The following ZHX1 variants were observed in gnomAD, a reference collection of about 807,000 sequenced individuals.
ZHX1 encodes the protein zinc fingers and homeoboxes protein 1.
A neutral mutation model predicts 61.8 loss-of-function variants in ZHX1; 20 were observed. The ratio of observed to expected loss-of-function variants is 0.32; its 90% CI spans 0.23 to 0.47. The LOEUF (loss-of-function observed/expected upper bound fraction) is 0.47, where lower values mean the gene tolerates loss of function less well. Among genes scored for constraint, ZHX1 ranks in the 20% least tolerant of loss-of-function variants. The pLI is 1.00. For synonymous variants in ZHX1, 318 were observed against 352.6 expected (o/e 0.90, Z 1.10); for missense variants, 800 against 1,034.8 (o/e 0.77, Z 3.11).
At chr8:123,272,162 A>T (rs1387387486) in intron 1 of ZHX1, among the ~76,000 whole-genome samples, 1 of 152,258 alleles carries the variant, frequency 6.6e-6, no homozygotes, top group African/African-American at 2.4e-5. Context: ...TCGAAAATAC[A>T]AGAATGGTTC....
chr8:123,254,694 G>A lies in ZHX1; in HGVS notation c.1253C>T (p.Ala418Val). ...TATATTATTTTGACTTGGAACGCCT[G>A]CCACTGTCAAGGCTATAGGTGCTGT... Reference protein sequence around the residue: ...PVTAPIALTVAGVPSQNNIQK... With the variant: ...PVTAPIALTVVGVPSQNNIQK... Residue 418 changes from alanine to valine, a missense_variant, in exon 3 of 4, where the codon GCA becomes GTA. By Grantham distance (64) the Ala-to-Val change is moderately conservative. Coordinates refer to ENST00000395571, the MANE Select transcript of ZHX1 (RefSeq NM_007222.5). This position sits in a 1 kb window ranked among gnomAD's most constrained non-coding sequence, Gnocchi z 4.1. 6.2e-7 allele frequency: 1 copy of A among 1,614,160 alleles called. No homozygotes were observed. The highest frequency in any genetic ancestry group is 8.5e-7 in the Non-Finnish European group (1 of 1,180,016).
At chr8:123,272,055 G>A (rs1188202723) in intron 1 of ZHX1, among the ~76,000 whole-genome samples, 1 of 152,190 alleles carries the variant, frequency 6.6e-6, no homozygotes, top group Admixed American at 6.5e-5. Context: ...CCAAAGAACA[G>A]CACACGTGCA....
At position 123,253,575 on chromosome 8, in the gene ZHX1, T is replaced by C. The variant is rs1338952309; in HGVS notation, c.2372A>G (p.Lys791Arg). 2.5e-6 allele frequency: 4 copies of C among 1,614,120 alleles called. No homozygotes were observed. Among genetic ancestry groups the C allele is most frequent in the African/African-American group, 1.3e-5 (1 of 74,952 alleles). The change falls in exon 3 of 4, where the codon AAG (lysine) becomes AGG (arginine). Residue 791 changes from lysine to arginine, a missense_variant. Transcript: ENST00000395571. The stretch of plus-strand genomic sequence containing the variant: ...GTCTTGCTCATTAAGAAACTTGTGC[T>C]TCAGGTAATAATCCTTAAGTATTGC... ...GTAILKDYYLKHKFLNEQDLD... is the reference protein window; with the variant it reads ...GTAILKDYYLRHKFLNEQDLD...
intron 2 of ZHX1, among the ~76,000 whole-genome samples, chr8:123,260,255 C>A (rs546926958): frequency 3.9e-5 from 6 of 152,284 alleles, no homozygotes; most frequent in Admixed American, 3.9e-4. Context: ...ACGAATCTTA[C>A]AATCCCCACT....
chr8:123,257,582 T>A (rs1826110115), intron 2 of ZHX1, among the ~76,000 whole-genome samples: 1 of 152,162 alleles, frequency 6.6e-6, no homozygotes, highest in Non-Finnish European at 1.5e-5. Context: ...TTTTTCCACA[T>A]ACCGCGGTGC....
intron 2 of ZHX1, among the ~76,000 whole-genome samples, chr8:123,258,010 G>A (rs1254098356): frequency 6.6e-6 from 1 of 152,156 alleles, no homozygotes; most frequent in Admixed American, 6.5e-5. Flanking sequence ...TCTAGATATT[G>A]TGTCTCATTT....
chr8:123,254,297 T>C lies in ZHX1; in HGVS notation c.1650A>G (p.Pro550=), dbSNP rs760745172. The C allele has an allele frequency of 1.9e-6, 3 of 1,614,132 alleles. No homozygotes were observed. Among genetic ancestry groups the C allele is most frequent in the Admixed American group, 3.3e-5 (2 of 60,026 alleles). Residue 550 remains proline (P), a synonymous_variant, in exon 3 of 4, where the codon CCA becomes CCG. Transcript: ENST00000395571. This position sits in a 1 kb window ranked among gnomAD's most constrained non-coding sequence, Gnocchi z 4.1. ...GCTTAGGCTGTGCAGTACCAACAGT[T>C]GGGGATTCCGTGGTTTCATCACTGG... The part of the protein sequence containing the change: ...IDSSDETTES[P]TVGTAQPKQS...
intron 1 of ZHX1, among the ~76,000 whole-genome samples, chr8:123,272,036 T>C (rs117893712): frequency 3.1e-3 from 471 of 152,324 alleles, no homozygotes; most frequent in South Asian, 0.014. Flanking sequence ...TACATGAACA[T>C]TGAGGAAACC....
intron 3 of ZHX1, 80 bp downstream of exon 3, chr8:123,253,242 T>C: frequency 1.7e-6 from 2 of 1,203,528 alleles, no homozygotes; most frequent in Non-Finnish European, 2.3e-6. Flanking sequence ...AAAATGAAGA[T>C]GACTGATACA....
chr8:123,275,122 T>C (rs539959540), upstream of ZHX1, among the ~76,000 whole-genome samples: 2 of 152,300 alleles, frequency 1.3e-5, no homozygotes, highest in African/African-American at 4.8e-5. Flanking sequence ...CCCTCCTCCC[T>C]GCGAACCGCC....
chr8:123,266,369 C>G (rs1826456906), intron 2 of ZHX1, among the ~76,000 whole-genome samples: 1 of 151,992 alleles, frequency 6.6e-6, no homozygotes, highest in Non-Finnish European at 1.5e-5. Flanking sequence ...TAACTGTTAC[C>G]CACTTCACTG....
Position 123,253,452 on chromosome 8 carries a change from A to G in ZHX1, c.2495T>C (p.Phe832Ser), listed in dbSNP as rs1825973853. The change falls in exon 3 of 4, where the codon TTT becomes TCT. Residue 832 changes from phenylalanine (F) to serine (S), a missense_variant. By Grantham distance (155) the Phe-to-Ser change is radical. Coordinates refer to ENST00000395571, the MANE Select transcript of ZHX1 (RefSeq NM_007222.5). ...QRRSELGIEL[F>S]EENEEEDEVI... ...TTCATCTTCCTCCTCATTTTCCTCA[A>G]ATAATTCTATACCTAATTCTGATCT... The G allele has an allele frequency of 1.9e-6, 3 of 1,613,902 alleles. No individual in the cohort carries two copies. Among genetic ancestry groups the G allele is most frequent in the South Asian group, 1.1e-5 (1 of 91,080 alleles).
chr8:123,263,357 G>A (rs1826348561), intron 2 of ZHX1, among the ~76,000 whole-genome samples: 1 of 152,102 alleles, frequency 6.6e-6, no homozygotes, highest in African/African-American at 2.4e-5. Context: ...AATTTTACAG[G>A]TAATAGTTCT....
At chr8:123,268,313 T>G (rs1586833420) in intron 1 of ZHX1, among the ~76,000 whole-genome samples, 1 of 152,216 alleles carries the variant, frequency 6.6e-6, no homozygotes, top group Non-Finnish European at 1.5e-5. Flanking sequence ...CTGTGAAGTA[T>G]TAACATCATG....
Position 123,270,798 on chromosome 8 carries a change from A to G in ZHX1, c.-339-3412T>C, listed in dbSNP as rs3107197. ...GAGACCCCGTCTCAAAAAAAAAAAA[A>G]AAAAAATGTATTCAACTGGCTCCCT... On this transcript the variant is annotated intron_variant, in intron 1 of 3. Transcript: ENST00000395571. Among the ~76,000 whole-genome samples, 1,109 of 152,106 alleles carry G rather than the reference A, an allele frequency of 7.3e-3. 8 individuals carry two copies. Among genetic ancestry groups the G allele is most frequent in the Middle Eastern group, 0.014 (4 of 294 alleles).
Position 123,255,351 on chromosome 8 carries a change from T to G in ZHX1, c.596A>C (p.His199Pro). 1 of 1,614,110 alleles carries G rather than the reference T, an allele frequency of 6.2e-7. No individual in the cohort carries two copies. The highest frequency in any genetic ancestry group is 8.5e-7 in the Non-Finnish European group (1 of 1,180,028). The change falls in exon 3 of 4, where the codon CAT becomes CCT. Residue 199 changes from histidine (H) to proline (P), a missense_variant. By Grantham distance (77) the His-to-Pro change is moderately conservative. Coordinates refer to ENST00000395571, the MANE Select transcript of ZHX1 (RefSeq NM_007222.5). Reference protein sequence around the residue: ...NKVENKRIAVHHNSVEDVPEE... With the variant: ...NKVENKRIAVPHNSVEDVPEE... The stretch of plus-strand genomic sequence containing the variant: ...AGGAACGTCCTCAACTGAGTTATGA[T>G]GAACTGCAATCCGTTTATTTTCCAC...
rs1826378407 is a variant in ZHX1, at chr8:123,264,262, T to A, written c.-226+3011A>T. 4.6e-5 allele frequency among the ~76,000 whole-genome samples: 7 copies of A among 152,278 alleles called. No individual in the cohort carries two copies. The South Asian group carries it at 1.5e-3, about 32-fold the overall frequency. On this transcript the variant is annotated intron_variant, in intron 2 of 3. Transcript: ENST00000395571. ...GCACTTAGAATCATTACTTCTCTGT[T>A]TTATGAGAAAACTATACTTTAACAG... is the stretch of plus-strand genomic sequence containing the variant.
At chr8:123,253,296 G>A (rs767012455) in intron 3 of ZHX1, 26 bp downstream of exon 3, 16 of 1,541,176 alleles carry the variant, frequency 1.0e-5, no homozygotes, top group Admixed American at 1.9e-5. Context: ...GAACATATAC[G>A]CAGATTAAAA....
intron 2 of ZHX1, among the ~76,000 whole-genome samples, chr8:123,256,679 G>T (rs369130588): frequency 2.6e-5 from 4 of 151,428 alleles, no homozygotes; most frequent in African/African-American, 9.7e-5. Flanking sequence ...TAGGAGAATC[G>T]CTTGAACCCA....
Sources: allele counts gnomAD v4.1 joint callset (sites outside exome capture counted in the v4.1 genomes callset), GRCh38; gene constraint gnomAD v4.1.1; non-coding constraint Gnocchi (gnomAD v3.1); transcripts MANE v1.5; gene names NCBI Gene and HGNC (gene_info 2026-07-23, HGNC 2026-07-21).